The following DAB1 variants were observed in gnomAD, a reference collection of about 807,000 sequenced individuals.
DAB1 encodes the protein disabled homolog 1.
In DAB1, 15 loss-of-function variants were observed where a neutral mutation model predicts 64.6. That is an observed-to-expected ratio of 0.23 (90% CI 0.16 to 0.36). The LOEUF (loss-of-function observed/expected upper bound fraction) is 0.36. Ranked by LOEUF, DAB1 falls within the 10% of genes least tolerant of loss-of-function variation. DAB1 has a pLI of 1.00. For synonymous variants in DAB1, 235 were observed against 251.9 expected, an observed-to-expected ratio of 0.93 and a Z score of 0.64; for missense variants, 596 against 706.7, an observed-to-expected ratio of 0.84 and a Z score of 1.78.
chr1:58,376,048 T>C (rs1644321668), intron 3 of DAB1, among the ~76,000 whole-genome samples: 1 of 152,032 alleles, frequency 6.6e-6, no homozygotes, highest in Non-Finnish European at 1.5e-5. Context: ...TCATTTTTTA[T>C]TGTGTCTATT....
rs772661930 is a variant in DAB1 at position 58,536,675 on chromosome 1, C to T, written n.33-9340G>A. ...CAAGGAATAGCTTCCATTTATTCTT[C>T]CTTATATTTTCTTTAACTACTTCCT... On this transcript the variant is annotated intron_variant and non_coding_transcript_variant, in intron 1 of 20. Transcript: ENST00000485760. 5 of 872,658 alleles carry T rather than the reference C, an allele frequency of 5.7e-6. No individual in the cohort carries two copies. In the African/African-American group the frequency reaches 8.2e-5, roughly 14 times the overall value. 54.1% of individuals were successfully genotyped at this position (872,658 alleles called of 1,614,324 possible).
At chr1:58,080,346 C>T (rs965796011) in intron 5 of DAB1, 14 of 152,212 alleles carry the variant, frequency 9.2e-5, no homozygotes, top group African/African-American at 3.4e-4. Flanking sequence ...AACTCTTCCT[C>T]ATCTGTTGAT....
intron 4 of DAB1, among the ~76,000 whole-genome samples, chr1:58,277,431 A>G (rs543522928): frequency 9.2e-5 from 14 of 152,334 alleles, no homozygotes; most frequent in Admixed American, 8.5e-4. Context: ...AAGGATTTTA[A>G]GATGAGATTG....
intron 5 of DAB1, among the ~76,000 whole-genome samples, chr1:57,979,096 G>A (rs971162036): frequency 6.6e-6 from 1 of 152,092 alleles, no homozygotes. Flanking sequence ...TCATTCTACT[G>A]TAAAGACACA....
intron 9 of DAB1, among the ~76,000 whole-genome samples, chr1:57,053,241 C>T (rs919386476): frequency 1.3e-5 from 2 of 152,080 alleles, no homozygotes; most frequent in African/African-American, 4.8e-5. Context: ...CATGTTTCAT[C>T]AAAACGAAAA....
At chr1:57,245,010 T>C (rs908344261) in intron 2 of DAB1, among the ~76,000 whole-genome samples, 4 of 152,202 alleles carry the variant, frequency 2.6e-5, no homozygotes, top group Admixed American at 2.0e-4. Flanking sequence ...TTGGAACAGT[T>C]TGAGGGACTC....
At chr1:57,785,346 T>C (rs1650291903) in intron 6 of DAB1, among the ~76,000 whole-genome samples, 1 of 152,156 alleles carries the variant, frequency 6.6e-6, no homozygotes, top group African/African-American at 2.4e-5. Context: ...ATTTTGACTT[T>C]CAAATATTTA....
Position 57,712,213 on chromosome 1 carries a change from T to C in DAB1, n.552-62548A>G, listed in dbSNP as rs185869548. On this transcript the variant is annotated intron_variant and non_coding_transcript_variant, in intron 6 of 20. Coordinates refer to the DAB1 transcript ENST00000485760. ...CACGGTTCTGCTTAGCACATCAACA[T>C]AAGAATCAAGAAGTTACTATTGCCA... Among the ~76,000 whole-genome samples, 67 of 152,278 alleles carry C rather than the reference T, an allele frequency of 4.4e-4. No individual in the cohort carries two copies. In the Middle Eastern group the frequency reaches 0.014, roughly 31 times the overall value.
chr1:57,260,994 C>T (rs1004626342), intron 2 of DAB1, among the ~76,000 whole-genome samples: 1 of 152,140 alleles, frequency 6.6e-6, no homozygotes, highest in Non-Finnish European at 1.5e-5. Flanking sequence ...AATTTATCTC[C>T]CGCATTTAAT....
intron 8 of DAB1, among the ~76,000 whole-genome samples, chr1:57,065,842 T>C (rs2100578105): frequency 6.6e-6 from 1 of 152,288 alleles, no homozygotes; most frequent in Non-Finnish European, 1.5e-5. Flanking sequence ...AAGGGGGCTA[T>C]ACATAAATTT....
At chr1:57,625,083 CA>C (rs1326862835) in intron 7 of DAB1, among the ~76,000 whole-genome samples, 1 of 152,154 alleles carries the variant, frequency 6.6e-6, no homozygotes, top group African/African-American at 2.4e-5. Flanking sequence ...GGAAGGAAGG[CA>C]TTTTCACCTT....
intron 4 of DAB1, among the ~76,000 whole-genome samples, chr1:58,180,209 A>AT (rs1656700515): frequency 8.7e-6 from 1 of 114,886 alleles, no homozygotes; most frequent in African/African-American, 3.6e-5. Flanking sequence ...AATTGCTATT[A>AT]TTTTTCTAGT....
chr1:58,063,235 T>C (rs1036951978), intron 5 of DAB1, among the ~76,000 whole-genome samples: 1 of 152,190 alleles, frequency 6.6e-6, no homozygotes, highest in African/African-American at 2.4e-5. Flanking sequence ...GTCACAGTGC[T>C]GTAAATAACA....
At chr1:58,131,309 C>A (rs1328131169) in intron 5 of DAB1, among the ~76,000 whole-genome samples, 1 of 140,384 alleles carries the variant, frequency 7.1e-6, no homozygotes, top group Non-Finnish European at 1.6e-5. Flanking sequence ...TCAGCTCCAT[C>A]AGCTCCTTTA....
chr1:57,933,493 T>C (rs544923220), intron 5 of DAB1, among the ~76,000 whole-genome samples: 16 of 152,344 alleles, frequency 1.1e-4, no homozygotes, highest in Non-Finnish European at 2.4e-4. Flanking sequence ...GTAAGTACTC[T>C]TCTGTGTAAT....
At chr1:58,268,773 T>G (rs1187058683) in intron 4 of DAB1, among the ~76,000 whole-genome samples, 4 of 152,090 alleles carry the variant, frequency 2.6e-5, no homozygotes, top group Admixed American at 2.0e-4. Context: ...ATCCTAAAAT[T>G]TTTACGAAAT....
chr1:57,550,876 A>C (rs1311223900), intron 7 of DAB1, among the ~76,000 whole-genome samples: 1 of 152,222 alleles, frequency 6.6e-6, no homozygotes, highest in African/African-American at 2.4e-5. Context: ...GAAATGAATA[A>C]CATTTATAAA....
chr1:57,846,716 G>A (rs954552965), intron 1 of DAB1, among the ~76,000 whole-genome samples: 112 of 152,178 alleles, frequency 7.4e-4, no homozygotes, highest in African/African-American at 2.6e-3. Flanking sequence ...TAACAAAACT[G>A]GAACTCAAAG....
chr1:57,579,049 T>C (rs1645282880), intron 7 of DAB1, among the ~76,000 whole-genome samples: 1 of 152,164 alleles, frequency 6.6e-6, no homozygotes, highest in Non-Finnish European at 1.5e-5. Flanking sequence ...GGGTCAGATA[T>C]GGTCACCATC....
Sources: allele counts gnomAD v4.1 joint callset (sites outside exome capture counted in the v4.1 genomes callset), GRCh38; gene constraint gnomAD v4.1.1; transcripts MANE v1.5; gene names NCBI Gene and HGNC (gene_info 2026-07-23, HGNC 2026-07-21).